The following ROPN1L variants were observed in gnomAD, a reference collection of about 807,000 sequenced individuals.
The protein encoded by ROPN1L is rhophilin associated tail protein 1 like.
Under a neutral mutation model 22.7 loss-of-function variants are expected in ROPN1L, and 23 were observed. That is an observed-to-expected ratio of 1.01 (90% confidence interval 0.73 to 1.43). The LOEUF (loss-of-function observed/expected upper bound fraction) is 1.43. Ranked by LOEUF, ROPN1L falls within the 40% of genes most tolerant of loss-of-function variation. The pLI, the probability that ROPN1L is intolerant of heterozygous loss-of-function variation, is 0.00. For missense variants in ROPN1L, 271 were observed against 291.5 expected (o/e 0.93, Z 0.51); for synonymous variants, 116 against 117.8 (o/e 0.98, Z 0.10).
chr5:10,459,392 T>TTC (rs1561175225), intron 3 of ROPN1L, among the ~76,000 whole-genome samples: 2 of 145,694 alleles, frequency 1.4e-5, no homozygotes, highest in African/African-American at 5.5e-5. Flanking sequence ...CCTCATCACT[T>TTC]CTCTTCACAC....
At chr5:10,460,341 C>T (rs1734994746) in intron 3 of ROPN1L, among the ~76,000 whole-genome samples, 2 of 152,246 alleles carry the variant, frequency 1.3e-5, no homozygotes, top group Admixed American at 1.3e-4. Flanking sequence ...TGGGCTGGCC[C>T]TGGGGAGCCC....
chr5:10,469,086 C>A (rs531008704), downstream of ROPN1L, among the ~76,000 whole-genome samples: 1 of 152,026 alleles, frequency 6.6e-6, no homozygotes, highest in Non-Finnish European at 1.5e-5. Context: ...ACCTGGGAGG[C>A]GGAGCTTGCA....
At chr5:10,457,070 T>C (rs1229367008) in intron 3 of ROPN1L, among the ~76,000 whole-genome samples, 2 of 152,228 alleles carry the variant, frequency 1.3e-5, no homozygotes, top group Non-Finnish European at 2.9e-5. Context: ...CGACTCGGCT[T>C]TGAGCAAGTC....
chr5:10,463,525 G>A (rs1039483252), intron 4 of ROPN1L, among the ~76,000 whole-genome samples: 2 of 152,164 alleles, frequency 1.3e-5, no homozygotes, highest in Non-Finnish European at 2.9e-5. Context: ...GGTCCTCCAG[G>A]CTCCAGCCCC....
At chr5:10,468,760 C>T (rs896853228), downstream of ROPN1L, among the ~76,000 whole-genome samples, 1 of 152,120 alleles carries the variant, frequency 6.6e-6, no homozygotes, top group African/African-American at 2.4e-5. Flanking sequence ...ATAGGGGCTC[C>T]AGTACAATAA....
At chr5:10,466,712 A>G (rs1266795544), downstream of ROPN1L, among the ~76,000 whole-genome samples, 2 of 152,180 alleles carry the variant, frequency 1.3e-5, no homozygotes, top group Non-Finnish European at 2.9e-5. Flanking sequence ...TTTGTCTCAA[A>G]AAGTGGGTTT....
Position 10,461,177 on chromosome 5 carries a change from C to T in ROPN1L, c.418-7C>T. On this transcript the variant is annotated splice_polypyrimidine_tract_variant and splice_region_variant and intron_variant, in intron 3 of 4. Coordinates refer to ENST00000274134, the MANE Select transcript of ROPN1L (RefSeq NM_031916.5). Reference sequence around the variant, plus strand: ...TTTTTCTCCCCACCTGGCTGTGGTGCTCCCAGTCCTTGAACACTGCGCTGA... The same window carrying T: ...TTTTTCTCCCCACCTGGCTGTGGTGTTCCCAGTCCTTGAACACTGCGCTGA... 1 of 1,606,980 alleles carries T rather than the reference C, an allele frequency of 6.2e-7. No homozygotes were observed.
At chr5:10,462,117 G>C (rs1415227588) in intron 4 of ROPN1L, among the ~76,000 whole-genome samples, 1 of 152,228 alleles carries the variant, frequency 6.6e-6, no homozygotes, top group Non-Finnish European at 1.5e-5. Flanking sequence ...GGGCTGGGCT[G>C]AAAGTCCCAC....
chr5:10,451,292 A>G (rs1741244062), intron 3 of ROPN1L, among the ~76,000 whole-genome samples: 3 of 152,156 alleles, frequency 2.0e-5, no homozygotes, highest in South Asian at 2.1e-4. Flanking sequence ...AGGCTACCCA[A>G]TGTGGCCACT....
downstream of ROPN1L, among the ~76,000 whole-genome samples, chr5:10,465,420 C>A (rs1735135801): frequency 6.6e-5 from 10 of 151,150 alleles, 1 homozygote; most frequent in Admixed American, 6.6e-4. Context: ...GAGGCTGAGG[C>A]AGGAGAATGG....
intron 3 of ROPN1L, among the ~76,000 whole-genome samples, chr5:10,453,892 CAT>C (rs1374712946): frequency 1.4e-5 from 2 of 146,670 alleles, no homozygotes; most frequent in Non-Finnish European, 2.9e-5. Context: ...AACGGGCAAA[CAT>C]CACCAGACTC....
intron 3 of ROPN1L, among the ~76,000 whole-genome samples, chr5:10,450,524 G>A (rs1302745716): frequency 2.6e-5 from 4 of 152,002 alleles, no homozygotes; most frequent in Admixed American, 1.3e-4. Flanking sequence ...TTGAGATGGA[G>A]TTTTGCTGTT....
chr5:10,474,680 C>T (rs895724617), downstream of ROPN1L, among the ~76,000 whole-genome samples: 23 of 152,230 alleles, frequency 1.5e-4, no homozygotes, highest in East Asian at 5.8e-4. Flanking sequence ...TGGGCTTGGA[C>T]GCTCCACCCA....
At chr5:10,451,691 G>A (rs1741256661) in intron 3 of ROPN1L, among the ~76,000 whole-genome samples, 1 of 152,194 alleles carries the variant, frequency 6.6e-6, no homozygotes, top group South Asian at 2.1e-4. Context: ...TGTGGCTGTA[G>A]AATGAGCAAG....
chr5:10,461,114 A>T, intron 3 of ROPN1L, 70 bp from the exon 4 acceptor site: 2 of 1,420,602 alleles, frequency 1.4e-6, no homozygotes, highest in East Asian at 2.3e-5. Context: ...GATTCTGCTG[A>T]TGCCTGCTTT....
chr5:10,473,444 C>G (rs1735277980), downstream of ROPN1L, among the ~76,000 whole-genome samples: 2 of 152,122 alleles, frequency 1.3e-5, no homozygotes, highest in Non-Finnish European at 2.9e-5. Flanking sequence ...GTGCTTGGAG[C>G]CACCAGAAGT....
At chr5:10,473,559 A>G (rs770278988), downstream of ROPN1L, among the ~76,000 whole-genome samples, 4 of 152,190 alleles carry the variant, frequency 2.6e-5, no homozygotes, top group Admixed American at 1.3e-4. Flanking sequence ...GAGACAAGAA[A>G]TTGTTGCTGT....
intron 3 of ROPN1L, among the ~76,000 whole-genome samples, chr5:10,454,269 A>C (rs940280849): frequency 6.6e-6 from 1 of 152,132 alleles, no homozygotes; most frequent in South Asian, 2.1e-4. Flanking sequence ...GATTACAGGC[A>C]TGCAGCACCA....
downstream of ROPN1L, among the ~76,000 whole-genome samples, chr5:10,476,151 G>A (rs1173162616): frequency 6.6e-6 from 1 of 152,252 alleles, no homozygotes; most frequent in Non-Finnish European, 1.5e-5. Context: ...GCGAAATGCA[G>A]TCTCTAGCTG....
Sources: allele counts gnomAD v4.1 joint callset (sites outside exome capture counted in the v4.1 genomes callset), GRCh38; gene constraint gnomAD v4.1.1; transcripts MANE v1.5; gene names NCBI Gene and HGNC (gene_info 2026-07-23, HGNC 2026-07-21).